The following FBN2 variants were observed in gnomAD, a reference collection of about 807,000 sequenced individuals.
FBN2 encodes fibrillin 2.
Under a neutral mutation model 355.6 loss-of-function variants are expected in FBN2, and 105 were observed. The observed-to-expected ratio is 0.30, with a 90% confidence interval of 0.25 to 0.35. The LOEUF (loss-of-function observed/expected upper bound fraction) is 0.35, where lower values mean the gene tolerates loss of function less well. FBN2 is among the 10% of genes least tolerant of loss of function. The pLI is 1.00. For missense variants in FBN2, 3,280 were observed against 3,758.7 expected, an observed-to-expected ratio of 0.87 and a Z score of 3.33; for synonymous variants, 1,350 against 1,301.2, an observed-to-expected ratio of 1.04 and a Z score of -0.81.
In FBN2 at chr5:128,527,953, C is replaced by T. The variant is rs755673689; in HGVS notation, c.451G>A (p.Val151Met). ...CAGGTCCCACCATTCATGCATCTCA[C>T]ACTGCACTGCTGAACTGCAAAGAGC... Reference protein sequence around the residue: ...CGSKSIQQCSVRCMNGGTCAD... With the variant: ...CGSKSIQQCSMRCMNGGTCAD... Residue 151 changes from valine (V) to methionine (M), a missense_variant, in exon 4 of 65, where the codon GTG becomes ATG. Physicochemically the swap from Val to Met is conservative, Grantham distance 21 (BLOSUM62 1). Coordinates refer to ENST00000262464, the MANE Select transcript of FBN2 (RefSeq NM_001999.4). The T allele has an allele frequency of 1.2e-6, 2 of 1,611,002 alleles. No homozygotes were observed. The highest frequency in any genetic ancestry group is 2.2e-5 in the East Asian group (1 of 44,830).
Position 128,310,085 on chromosome 5 carries a change from G to A in FBN2, c.5098C>T (p.Pro1700Ser). ...CEDIDECFAH[P>S]GVCGPGTCYN... is the part of the protein sequence containing the mutation. ...CAGGTCCCAGGCCCACACACACCAG[G>A]ATGTGCAAAACACTCATCAATATCT... Residue 1700 changes from proline (P) to serine (S), a missense_variant, in exon 40 of 65, where the codon CCT (proline) becomes TCT (serine). Physicochemically the swap from Pro to Ser is moderately conservative, Grantham distance 74. Coordinates refer to ENST00000262464, the MANE Select transcript of FBN2 (RefSeq NM_001999.4). 2 of 1,613,042 alleles carry A rather than the reference G, an allele frequency of 1.2e-6. No homozygotes were observed. Among genetic ancestry groups the A allele is most frequent in the East Asian group, 2.2e-5 (1 of 44,866 alleles).
intron 18 of FBN2, among the ~76,000 whole-genome samples, chr5:128,362,228 GA>G (rs1751656493): frequency 6.6e-6 from 1 of 152,156 alleles, no homozygotes; most frequent in South Asian, 2.1e-4. Flanking sequence ...AAAAGTAACA[GA>G]AGGCATTTTT....
chr5:128,472,105 CAACTT>C (rs574044868), intron 5 of FBN2, among the ~76,000 whole-genome samples: 1 of 152,182 alleles, frequency 6.6e-6, no homozygotes, highest in Non-Finnish European at 1.5e-5. Context: ...AAGATGGAAT[CAACTT>C]AAGCGTCCAC....
At position 128,310,052 on chromosome 5, in the gene FBN2, T is replaced by G; in HGVS notation, c.5131A>C (p.Thr1711Pro). 1 of 1,613,818 alleles carries G rather than the reference T, an allele frequency of 6.2e-7. No individual in the cohort carries two copies. The highest frequency in any genetic ancestry group is 8.5e-7 in the Non-Finnish European group (1 of 1,179,822). ...GVCGPGTCYNTLGNYTCICPP... is the reference protein window; with the variant it reads ...GVCGPGTCYNPLGNYTCICPP... The stretch of plus-strand genomic sequence containing the variant: ...CAAATGCAGGTGTAATTTCCCAGGG[T>G]GTTATAGCAGGTCCCAGGCCCACAC... The change falls in exon 40 of 65, where the codon ACC becomes CCC. Residue 1711 changes from threonine to proline, a missense_variant. By Grantham distance (38) the Thr-to-Pro change is conservative. Around this residue, in one of 6 missense-constraint regions of FBN2, gnomAD observed 2,284 missense variants for 2,749.5 expected, o/e 0.83. Transcript: ENST00000262464.
At chr5:128,533,755 A>G (rs1022458073) in intron 2 of FBN2, among the ~76,000 whole-genome samples, 3 of 152,068 alleles carry the variant, frequency 2.0e-5, no homozygotes, top group African/African-American at 7.2e-5. Context: ...AGTCCAGCCA[A>G]CCTCATCCCA....
chr5:128,353,654 T>C (rs1751426596), intron 20 of FBN2, among the ~76,000 whole-genome samples: 1 of 152,240 alleles, frequency 6.6e-6, no homozygotes. Flanking sequence ...CAGTTATTGC[T>C]AAGATTTATC....
rs1269251365 is a variant in FBN2, at chr5:128,287,349, G to A, written c.6839C>T (p.Pro2280Leu). Reference sequence around the variant, plus strand: ...ATCTTCCCTGAGGGCATAGCCAATCGGGCACGTGCATTCATAGGACCCAAA... The same window carrying A: ...ATCTTCCCTGAGGGCATAGCCAATCAGGCACGTGCATTCATAGGACCCAAA... ...NTFGSYECTC[P>L]IGYALREDQK... The change falls in exon 54 of 65, where the codon CCG (proline) becomes CTG (leucine). Residue 2280 changes from proline (P) to leucine (L), a missense_variant. This residue lies in a region of FBN2 where 2,284 missense variants were observed against 2,749.5 expected (regional missense o/e 0.83). Transcript: ENST00000262464. 2.5e-6 allele frequency: 4 copies of A among 1,613,932 alleles called. No homozygotes were observed. Among genetic ancestry groups the A allele is most frequent in the Non-Finnish European group, 3.4e-6 (4 of 1,179,914 alleles).
At chr5:128,352,730 C>T (rs1751400862) in intron 20 of FBN2, among the ~76,000 whole-genome samples, 1 of 152,154 alleles carries the variant, frequency 6.6e-6, no homozygotes, top group Admixed American at 6.5e-5. Flanking sequence ...TTGACAAACT[C>T]CTCAGGTGAT....
At chr5:128,516,777 A>G (rs1002202766) in intron 5 of FBN2, among the ~76,000 whole-genome samples, 12 of 152,200 alleles carry the variant, frequency 7.9e-5, no homozygotes, top group Admixed American at 5.2e-4. Context: ...CAACCTCAAC[A>G]TAAGTGAGTT....
At chr5:128,383,983 T>G (rs1752303360) in intron 11 of FBN2, among the ~76,000 whole-genome samples, 1 of 152,110 alleles carries the variant, frequency 6.6e-6, no homozygotes, top group Non-Finnish European at 1.5e-5. Flanking sequence ...CACTTGTCCA[T>G]GAATGTTCAT....
At chr5:128,270,288 A>T (rs1006358398) in intron 62 of FBN2, among the ~76,000 whole-genome samples, 2 of 152,214 alleles carry the variant, frequency 1.3e-5, no homozygotes, top group Non-Finnish European at 2.9e-5. Context: ...GCACTTTGGG[A>T]GGCTGAGGCG....
At chr5:128,375,763 C>T (rs923226210) in intron 14 of FBN2, among the ~76,000 whole-genome samples, 1 of 152,082 alleles carries the variant, frequency 6.6e-6, no homozygotes, top group Admixed American at 6.6e-5. Context: ...TGGCCAGGTG[C>T]GATGGCTCAT....
intron 7 of FBN2, among the ~76,000 whole-genome samples, chr5:128,419,260 G>A (rs1300336404): frequency 1.3e-5 from 2 of 152,178 alleles, no homozygotes; most frequent in Admixed American, 6.5e-5. Context: ...TCTACAAATA[G>A]AGATAGTTTT....
intron 6 of FBN2, among the ~76,000 whole-genome samples, chr5:128,455,369 C>T (rs1262771820): frequency 1.3e-5 from 2 of 152,090 alleles, no homozygotes; most frequent in Non-Finnish European, 2.9e-5. Flanking sequence ...GGATTAAGCA[C>T]AACGGCTAAA....
intron 7 of FBN2, among the ~76,000 whole-genome samples, chr5:128,421,430 G>A (rs1256290698): frequency 3.3e-5 from 5 of 152,036 alleles, no homozygotes; most frequent in African/African-American, 1.2e-4. Context: ...AAGGGGAAAT[G>A]GCAATAAGTT....
At chr5:128,381,485 T>C (rs1046213407) in intron 11 of FBN2, among the ~76,000 whole-genome samples, 2 of 152,152 alleles carry the variant, frequency 1.3e-5, no homozygotes, top group African/African-American at 2.4e-5. Flanking sequence ...TGGGCTCTTA[T>C]AATTTAAAGC....
Position 128,272,002 on chromosome 5 carries a change from C to A in FBN2, c.7957G>T (p.Val2653Phe). ...GATGGAAGAAAAGAGCACTCACCGA[C>A]ACACTGATTCCACTGGTAGTGCTGG... ...YIQHYQWNQC[V>F]DENECSNPNA... Residue 2653 changes from valine (V) to phenylalanine (F), a missense_variant, in exon 62 of 65, where the codon GTC becomes TTC. Val to Phe is a conservative substitution (Grantham distance 50). Coordinates refer to ENST00000262464, the MANE Select transcript of FBN2 (RefSeq NM_001999.4). The A allele has an allele frequency of 6.2e-7, 1 of 1,613,882 alleles. No homozygotes were observed. Among genetic ancestry groups the A allele is most frequent in the Non-Finnish European group, 8.5e-7 (1 of 1,179,876 alleles).
intron 64 of FBN2, 89 bp from the exon 65 acceptor site, chr5:128,259,918 C>A: frequency 7.2e-7 from 1 of 1,393,786 alleles, no homozygotes; most frequent in Non-Finnish European, 1.0e-6. Context: ...GCTTTGGTCA[C>A]GAGGACAGGC....
intron 13 of FBN2, 90 bp from the exon 14 acceptor site, chr5:128,376,943 T>G (rs573453370): frequency 6.7e-7 from 1 of 1,484,148 alleles, no homozygotes; most frequent in Non-Finnish European, 9.3e-7. Context: ...CAAATTCCAC[T>G]ACCTAAATGA....
Sources: gnomAD v4.1 joint callset for allele counts (sites outside exome capture counted in the v4.1 genomes callset) on GRCh38, gnomAD v4.1.1 for gene constraint, gnomAD v4.1.1 regional missense constraint, MANE v1.5 for transcripts, NCBI Gene and HGNC (gene_info 2026-07-23, HGNC 2026-07-21) for gene names.